RBFOX1: variants seen among roughly 807,000 people sequenced by gnomAD.
RBFOX1 encodes RNA binding protein fox-1 homolog 1.
A neutral mutation model predicts 57.7 loss-of-function variants in RBFOX1; 8 were observed. That is an observed-to-expected ratio of 0.14 (90% CI 0.08 to 0.25). The LOEUF (loss-of-function observed/expected upper bound fraction) is 0.25. Ranked by LOEUF, RBFOX1 falls within the 10% of genes least tolerant of loss-of-function variation. RBFOX1 has a pLI of 1.00. For synonymous variants in RBFOX1, 326 were observed against 222.4 expected (o/e 1.47, Z -4.15); for missense variants, 611 against 548.5 (o/e 1.11, Z -1.14).
chr16:5,854,368 T>C (rs1180805617), intron 3 of RBFOX1, among the ~76,000 whole-genome samples: 1 of 152,218 alleles, frequency 6.6e-6, no homozygotes, highest in African/African-American at 2.4e-5. Flanking sequence ...GCAACCATCA[T>C]TCTAGTCTCC....
At chr16:5,423,152 T>C (rs2067405722) in intron 1 of RBFOX1, among the ~76,000 whole-genome samples, 2 of 151,892 alleles carry the variant, frequency 1.3e-5, no homozygotes, top group African/African-American at 4.8e-5. Flanking sequence ...AAGGTTGAAA[T>C]AATTATGGAC....
chr16:5,312,205 C>A (rs923881810), intron 1 of RBFOX1, among the ~76,000 whole-genome samples: 7 of 152,242 alleles, frequency 4.6e-5, no homozygotes, highest in African/African-American at 1.4e-4. Context: ...GTGAAGCTTA[C>A]TTCGGGTGAA....
intron 4 of RBFOX1, among the ~76,000 whole-genome samples, chr16:7,353,761 T>C (rs1187411196): frequency 6.6e-6 from 1 of 152,158 alleles, no homozygotes; most frequent in Non-Finnish European, 1.5e-5. Flanking sequence ...TAAGCAAACC[T>C]ATAGTAGCTT....
intron 3 of RBFOX1, among the ~76,000 whole-genome samples, chr16:6,991,064 G>A (rs2153611174): frequency 6.8e-6 from 1 of 147,576 alleles, no homozygotes; most frequent in East Asian, 2.0e-4. Flanking sequence ...TACGTTGGGA[G>A]GCCAAGGTGG....
intron 4 of RBFOX1, among the ~76,000 whole-genome samples, chr16:5,931,740 A>T (rs1022539783): frequency 6.6e-6 from 1 of 151,984 alleles, no homozygotes; most frequent in Non-Finnish European, 1.5e-5. Context: ...GGCCCCTGAG[A>T]TTCCCTACCC....
intron 3 of RBFOX1, among the ~76,000 whole-genome samples, chr16:6,996,674 G>A (rs1450306269): frequency 6.6e-6 from 1 of 152,204 alleles, no homozygotes; most frequent in South Asian, 2.1e-4. Context: ...GGTCACAGAG[G>A]TAGTAAGTGG....
chr16:7,453,792 G>A (rs977172874), intron 4 of RBFOX1, among the ~76,000 whole-genome samples: 1 of 152,176 alleles, frequency 6.6e-6, no homozygotes, highest in South Asian at 2.1e-4. Context: ...ACCCTGATGA[G>A]ATTATGAAGC....
At chr16:7,146,795 C>G (rs960149862) in intron 4 of RBFOX1, among the ~76,000 whole-genome samples, 1 of 150,300 alleles carries the variant, frequency 6.7e-6, no homozygotes, top group Non-Finnish European at 1.5e-5. Flanking sequence ...AGTAAAAATA[C>G]AAAAATATAT....
chr16:5,440,490 T>A (rs1376319734), intron 1 of RBFOX1, among the ~76,000 whole-genome samples: 1 of 152,252 alleles, frequency 6.6e-6, no homozygotes, highest in African/African-American at 2.4e-5. Context: ...AGGACTTTTT[T>A]GACTTGCATT....
At chr16:5,319,593 C>A (rs777552284) in intron 1 of RBFOX1, among the ~76,000 whole-genome samples, 4 of 152,180 alleles carry the variant, frequency 2.6e-5, no homozygotes, top group Non-Finnish European at 4.4e-5. Flanking sequence ...CCACGTGGAC[C>A]TTGTCTTGGA....
At chr16:7,350,976 A>C (rs2097120220) in intron 4 of RBFOX1, among the ~76,000 whole-genome samples, 1 of 152,240 alleles carries the variant, frequency 6.6e-6, no homozygotes, top group Admixed American at 6.5e-5. Flanking sequence ...GTGCTTTATT[A>C]AGTCTGGCTC....
intron 4 of RBFOX1, among the ~76,000 whole-genome samples, chr16:7,188,579 C>G (rs142707588): frequency 6.6e-6 from 1 of 152,186 alleles, no homozygotes; most frequent in African/African-American, 2.4e-5. Flanking sequence ...CTATTTTATA[C>G]TCTAAGCAAT....
At chr16:5,605,065 T>A (rs1160459545), downstream of RBFOX1, among the ~76,000 whole-genome samples, 2 of 152,204 alleles carry the variant, frequency 1.3e-5, no homozygotes, top group Admixed American at 1.3e-4. Context: ...CGCTGAGCAT[T>A]GACTCAGGTT....
chr16:5,315,498 C>A lies in RBFOX1; in HGVS notation c.219+75393C>A, dbSNP rs537318564. Among the ~76,000 whole-genome samples, 6 of 152,282 alleles carry A rather than the reference C, an allele frequency of 3.9e-5. No homozygotes were observed. In the South Asian group the frequency reaches 1.2e-3, roughly 32 times the overall value. ...CTCCCGGGGAACGGGGTCTGCGTAG[C>A]TGCACCCCAAGCTGTCTCTGCAGGT... On this transcript the variant is annotated intron_variant, in intron 1 of 2. Transcript: ENST00000585867.
At chr16:6,524,304 G>A (rs2096549160) in intron 2 of RBFOX1, among the ~76,000 whole-genome samples, 1 of 152,170 alleles carries the variant, frequency 6.6e-6, no homozygotes, top group African/African-American at 2.4e-5. Context: ...TTCATTCTGT[G>A]TTGTTGCAAA....
chr16:6,078,441 G>A (rs1265454799), intron 1 of RBFOX1, among the ~76,000 whole-genome samples: 1 of 151,816 alleles, frequency 6.6e-6, no homozygotes, highest in Non-Finnish European at 1.5e-5. Context: ...GCTGTCATTA[G>A]TATTAATGTA....
intron 3 of RBFOX1, among the ~76,000 whole-genome samples, chr16:6,970,514 C>T (rs973638248): frequency 2.6e-5 from 4 of 152,232 alleles, no homozygotes; most frequent in Non-Finnish European, 5.9e-5. Context: ...AGATCAGAGA[C>T]ATCAGTAGAT....
At chr16:6,584,183 T>C (rs959598034) in intron 2 of RBFOX1, among the ~76,000 whole-genome samples, 1 of 151,754 alleles carries the variant, frequency 6.6e-6, no homozygotes, top group African/African-American at 2.4e-5. Flanking sequence ...ATTACATCTA[T>C]TTTCTCAGTA....
chr16:5,523,789 T>G (rs948125170), intron 2 of RBFOX1, among the ~76,000 whole-genome samples: 1 of 152,142 alleles, frequency 6.6e-6, no homozygotes, highest in African/African-American at 2.4e-5. Flanking sequence ...TCTTACTGCC[T>G]CCAAGGTGGG....
Sources: allele counts gnomAD v4.1 joint callset (sites outside exome capture counted in the v4.1 genomes callset), GRCh38; gene constraint gnomAD v4.1.1; transcripts MANE v1.5; gene names NCBI Gene and HGNC (gene_info 2026-07-23, HGNC 2026-07-21).